LAMA5: variants seen among roughly 807,000 people sequenced by gnomAD.
LAMA5 encodes the protein laminin subunit alpha 5.
In LAMA5, 260 loss-of-function variants were observed where a neutral mutation model predicts 433.4. That is an observed-to-expected ratio of 0.60 (90% confidence interval 0.54 to 0.66). The LOEUF (loss-of-function observed/expected upper bound fraction) is 0.66. LAMA5 is among the 30% of genes least tolerant of loss of function. The pLI is 0.00. For missense variants in LAMA5, 5,378 were observed against 5,258.5 expected (o/e 1.02, Z -0.70); for synonymous variants, 2,620 against 2,226.6 (o/e 1.18, Z -4.97).
In LAMA5 at chr20:62,315,302, T is replaced by G. The variant is rs534882974; in HGVS notation, c.7868-95A>C. 33 of 1,071,258 alleles carry G rather than the reference T, an allele frequency of 3.1e-5. No individual in the cohort carries two copies. In the East Asian group the frequency reaches 8.5e-4, roughly 27 times the overall value. 66.4% of individuals were successfully genotyped at this position (1,071,258 alleles called of 1,614,324 possible). On this transcript the variant is annotated intron_variant, in intron 58 of 79. Coordinates refer to ENST00000252999, the MANE Select transcript of LAMA5 (RefSeq NM_005560.6). Reference sequence around the variant, plus strand: ...TTCTGTTGGGCCAGCAACAGGGACATCCAACCCCCTATGGATCGTGTGAGA... The same window carrying G: ...TTCTGTTGGGCCAGCAACAGGGACAGCCAACCCCCTATGGATCGTGTGAGA...
chr20:62,317,016 G>C lies in LAMA5; in HGVS notation c.7519C>G (p.Leu2507Val). 6.5e-7 allele frequency: 1 copy of C among 1,528,830 alleles called. No individual in the cohort carries two copies. Among genetic ancestry groups the C allele is most frequent in the South Asian group, 1.3e-5 (1 of 79,392 alleles). 94.7% of individuals were successfully genotyped at this position (1,528,830 alleles called of 1,614,324 possible). Residue 2507 changes from leucine to valine, a missense_variant, in exon 56 of 80, where the codon CTG (leucine) becomes GTG (valine). By Grantham distance (32) the Leu-to-Val change is conservative. Coordinates refer to ENST00000252999, the MANE Select transcript of LAMA5 (RefSeq NM_005560.6). ...QLALNLSSII[L>V]DVNQDRLTQR... ...GTGAGGCGGTCCTGGTTGACGTCCA[G>C]GATGATGCTGCAGCGGAAGGGAGGG...
chr20:62,333,361 C>T lies in LAMA5; in HGVS notation c.3128+14G>A, dbSNP rs371939877. 3.1e-5 allele frequency: 50 copies of T among 1,607,608 alleles called. No individual in the cohort carries two copies. Among genetic ancestry groups the T allele is most frequent in the South Asian group, 7.7e-5 (7 of 90,784 alleles). On this transcript the variant is annotated intron_variant, in intron 25 of 79. Coordinates refer to ENST00000252999, the MANE Select transcript of LAMA5 (RefSeq NM_005560.6). Reference sequence around the variant, plus strand: ...AAGCCCCCACCCCGGTCCCACCGCACGCATGGCCCTCACTTGTCGCCAGAC... The same window carrying T: ...AAGCCCCCACCCCGGTCCCACCGCATGCATGGCCCTCACTTGTCGCCAGAC...
Position 62,320,638 on chromosome 20 carries a change from T to TGGCGGGGGC in LAMA5, c.6671_6679dup (p.Arg2226_His2227insArgProArg). ...CACCTCCAGCTGCTGTGCCGTCTCATGGCGGGGGCCCAGGGGGCTCCGGAG... is the reference window on the plus strand; with the variant it reads ...CACCTCCAGCTGCTGTGCCGTCTCATGGCGGGGGCGGCGGGGGCCCAGGGGGCTCCGGAG... On this transcript the variant is annotated inframe_insertion, in exon 50 of 80. Transcript: ENST00000252999. The TGGCGGGGGC allele has an allele frequency of 6.2e-7, 1 of 1,609,512 alleles. No individual in the cohort carries two copies. The highest frequency in any genetic ancestry group is 1.1e-5 in the South Asian group (1 of 90,848).
Position 62,359,475 on chromosome 20 carries a change from GCC to G in LAMA5, c.450+2923_450+2924del, listed in dbSNP as rs1601427576. ...CATGAACGCGCTCACCCTTCCCTGG[GCC>G]TGGGGCCTGGGGCCTGGGGCCTGGG... On this transcript the variant is annotated intron_variant, in intron 2 of 79. Coordinates refer to ENST00000252999, the MANE Select transcript of LAMA5 (RefSeq NM_005560.6). The surrounding 1 kb of genome is among the most constrained non-coding windows in gnomAD (Gnocchi z 4.3). Among the ~76,000 whole-genome samples, 1 of 8,212 alleles carries G rather than the reference GCC, an allele frequency of 1.2e-4. No homozygotes were observed. The highest frequency in any genetic ancestry group is 0.015 in the East Asian group (1 of 68). 5.4% of individuals were successfully genotyped at this position (8,212 alleles called of 152,430 possible). A position where few individuals can be genotyped will look rare whatever the true frequency, so the allele number is the denominator to read the frequency against.
rs1338367463 is a variant in LAMA5 at position 62,327,355 on chromosome 20, G to T, written c.4990C>A (p.Pro1664Thr). 2 of 1,600,530 alleles carry T rather than the reference G, an allele frequency of 1.2e-6. No homozygotes were observed. Among genetic ancestry groups the T allele is most frequent in the Admixed American group, 1.7e-5 (1 of 58,996 alleles). Residue 1664 changes from proline to threonine, a missense_variant, in exon 38 of 80, where the codon CCC (proline) becomes ACC (threonine). Physicochemically the swap from Pro to Thr is conservative, Grantham distance 38. Coordinates refer to ENST00000252999, the MANE Select transcript of LAMA5 (RefSeq NM_005560.6). The stretch of plus-strand genomic sequence containing the variant: ...TCCGTCCCTGGCTGCCGCTCGTGGG[G>T]CACCACCTGCCGGTCAGTGCTCAGC... ...VLLSTDRQVV[P>T]HERQPGTEML...
At position 62,312,676 on chromosome 20, in the gene LAMA5, G is replaced by A. The variant is rs145862467; in HGVS notation, c.9183C>T (p.Asp3061=). 1,553 of 1,607,476 alleles carry A rather than the reference G, an allele frequency of 9.7e-4. 4 individuals carry two copies. Among genetic ancestry groups the A allele is most frequent in the South Asian group, 2.3e-3 (208 of 90,292 alleles). Residue 3061 remains aspartate, a synonymous_variant, in exon 67 of 80, where the codon GAC becomes GAT. Coordinates refer to ENST00000252999, the MANE Select transcript of LAMA5 (RefSeq NM_005560.6). ...VEQDNDLELA[D]AYYLGGVPPD... ...GCGGCACGCCCCCCAGGTAGTAGGCGTCGGCCAGCTCCAGATCATTGTCCT... is the reference window on the plus strand; with the variant it reads ...GCGGCACGCCCCCCAGGTAGTAGGCATCGGCCAGCTCCAGATCATTGTCCT...
chr20:62,310,284 A>C lies in LAMA5; in HGVS notation c.10628T>G (p.Val3543Gly), dbSNP rs764177402. ...LDLPGATLPD[V>G]GLELEVRPLA... Reference sequence around the variant, plus strand: ...GGGCCGCACCTCCAGTTCCAGGCCCACATCAGGCAGTGTAGCTCCTGGGAG... The same window carrying C: ...GGGCCGCACCTCCAGTTCCAGGCCCCCATCAGGCAGTGTAGCTCCTGGGAG... The change falls in exon 77 of 80, where the codon GTG becomes GGG. Residue 3543 changes from valine (V) to glycine (G), a missense_variant. By Grantham distance (109) the Val-to-Gly change is moderately radical. Coordinates refer to ENST00000252999, the MANE Select transcript of LAMA5 (RefSeq NM_005560.6). The C allele has an allele frequency of 6.8e-6, 11 of 1,610,288 alleles. No individual in the cohort carries two copies. Among genetic ancestry groups the C allele is most frequent in the Non-Finnish European group, 8.5e-6 (10 of 1,178,500 alleles).
rs202138773 is a variant in LAMA5, at chr20:62,338,465, C to T, written c.1618+3G>A. 1 of 1,608,050 alleles carries T rather than the reference C, an allele frequency of 6.2e-7. No individual in the cohort carries two copies. The highest frequency in any genetic ancestry group is 8.5e-7 in the Non-Finnish European group (1 of 1,178,278). ...AGAGGTTGAGCGGGGAGAGGGGACT[C>T]ACGCTGGCAGCCGGGGCCGTAGAAC... On this transcript the variant is annotated splice_donor_region_variant and intron_variant, in intron 12 of 79. Coordinates refer to ENST00000252999, the MANE Select transcript of LAMA5 (RefSeq NM_005560.6).
intron 46 of LAMA5, 35 bp downstream of exon 46, chr20:62,322,623 C>A: frequency 8.7e-7 from 1 of 1,155,230 alleles, no homozygotes; most frequent in South Asian, 1.3e-5. Context: ...TCCCTAGGCC[C>A]CACCCACCCA....
At chr20:62,363,747 G>A (rs1986416851) in intron 1 of LAMA5, among the ~76,000 whole-genome samples, 1 of 152,074 alleles carries the variant, frequency 6.6e-6, no homozygotes, top group Admixed American at 6.5e-5. Context: ...ATCCTAGGAG[G>A]AGGAGGCAGG....
intron 31 of LAMA5, among the ~76,000 whole-genome samples, chr20:62,330,138 T>A (rs1054446166): frequency 6.6e-6 from 1 of 152,176 alleles, no homozygotes; most frequent in Non-Finnish European, 1.5e-5. Context: ...TAGGTACCGG[T>A]CAACTCCATG....
Position 62,333,719 on chromosome 20 carries a change from A to C in LAMA5, c.2879-13T>G. The C allele has an allele frequency of 6.4e-7, 1 of 1,572,910 alleles. No individual in the cohort carries two copies. The highest frequency in any genetic ancestry group is 8.6e-7 in the Non-Finnish European group (1 of 1,160,154). On this transcript the variant is annotated splice_polypyrimidine_tract_variant and intron_variant, in intron 23 of 79. Transcript: ENST00000252999. The stretch of plus-strand genomic sequence containing the variant: ...CTCTGTGCTGTGCCTGGGCGGGGGC[A>C]GGGGTGAGACTCCTGAGCCCAGCCC...
rs531187518 is a variant in LAMA5 at position 62,366,764 on chromosome 20, G to A, written c.297+185C>T. 3.3e-5 allele frequency among the ~76,000 whole-genome samples: 5 copies of A among 152,334 alleles called. No homozygotes were observed. In the East Asian group the frequency reaches 7.7e-4, roughly 24 times the overall value. ...GACTTTAATTCCGCCTTCCCGGAGG[G>A]ACGCGAAGTTTCCCGGCCGAGACGG... On this transcript the variant is annotated intron_variant, in intron 1 of 79. Coordinates refer to ENST00000252999, the MANE Select transcript of LAMA5 (RefSeq NM_005560.6).
intron 27 of LAMA5, 30 bp from the exon 28 acceptor site, chr20:62,332,510 G>C (rs1980667846): frequency 6.2e-7 from 1 of 1,609,434 alleles, no homozygotes; most frequent in Non-Finnish European, 8.5e-7. Flanking sequence ...AGCAGGTGGG[G>C]CAGCCCCGGG....
intron 1 of LAMA5, among the ~76,000 whole-genome samples, chr20:62,365,906 A>AGGCAGAGGGGGCGGGCCC (rs1986671810): frequency 6.6e-6 from 1 of 151,508 alleles, no homozygotes. Context: ...GGGGTGGGGC[A>AGGCAGAGGGGGCGGGCCC]GGCAGAGGGG....
In LAMA5 at chr20:62,362,514, G is replaced by C. The variant is rs985192340; in HGVS notation, c.336C>G (p.Asn112Lys). Residue 112 changes from asparagine to lysine, a missense_variant, in exon 2 of 80, where the codon AAC becomes AAG. By Grantham distance (94) the Asn-to-Lys change is moderately conservative. Coordinates refer to ENST00000252999, the MANE Select transcript of LAMA5 (RefSeq NM_005560.6). ...YCDICTAANS[N>K]KAHPASNAID... ...TGGCATTGCTCGCGGGGTGTGCCTT[G>C]TTGCTGTTGGCAGCCGTGCAGATGT... is the stretch of plus-strand genomic sequence containing the variant. 1 of 1,601,838 alleles carries C rather than the reference G, an allele frequency of 6.2e-7. No homozygotes were observed. Among genetic ancestry groups the C allele is most frequent in the Admixed American group, 1.7e-5 (1 of 59,048 alleles).
At position 62,329,903 on chromosome 20, in the gene LAMA5, G is replaced by A. The variant is rs750699900; in HGVS notation, c.3993C>T (p.Ala1331=). The A allele has an allele frequency of 3.7e-6, 6 of 1,611,682 alleles. No homozygotes were observed. Among genetic ancestry groups the A allele is most frequent in the Non-Finnish European group, 3.4e-6 (4 of 1,179,762 alleles). ...AGCCGTAGCCATGTGGACAGAAGCT[G>A]GCGTTGGCGTGGCCTGGGCGGGGGA... ...AGRVWQGHAN[A]SFCPHGYGCR... is the part of the protein sequence containing the mutation. Residue 1331 remains alanine, a synonymous_variant, in exon 32 of 80, where the codon GCC becomes GCT. Transcript: ENST00000252999.
intron 6 of LAMA5, 81 bp from the exon 7 acceptor site, chr20:62,347,109 G>A (rs1601397096): frequency 1.9e-6 from 2 of 1,070,158 alleles, no homozygotes; most frequent in East Asian, 2.5e-5. Context: ...GAAGGGGCCT[G>A]TGATCCCCTC....
At chr20:62,319,487 G>A (rs766373912) in intron 51 of LAMA5, among the ~76,000 whole-genome samples, 197 bp downstream of exon 51, 46 of 152,128 alleles carry the variant, frequency 3.0e-4, no homozygotes, top group Non-Finnish European at 1.0e-4. Flanking sequence ...GACGTCTCCC[G>A]GGGCCACCTG....
Sources: gnomAD v4.1 joint callset for allele counts (sites outside exome capture counted in the v4.1 genomes callset) on GRCh38, gnomAD v4.1.1 for gene constraint, Gnocchi (gnomAD v3.1) non-coding constraint, MANE v1.5 for transcripts, NCBI Gene and HGNC (gene_info 2026-07-23, HGNC 2026-07-21) for gene names.